SH3D19: variants seen among roughly 807,000 people sequenced by gnomAD.
SH3D19 encodes the protein SH3 domain containing 19, also known as SH3 domain-containing protein 19.
SH3D19 carries 58 observed loss-of-function variants against 112.1 expected under a neutral mutation model. That is an observed-to-expected ratio of 0.52 (90% CI 0.42 to 0.64). The LOEUF is 0.64. Ranked by LOEUF, SH3D19 falls within the 30% of genes least tolerant of loss-of-function variation. The probability of loss-of-function intolerance (pLI) is 0.00; values close to 1 mark genes in which losing one functional copy is unlikely to be tolerated. For missense variants in SH3D19, 1,090 were observed against 1,263.4 expected (o/e 0.86, Z 2.08); for synonymous variants, 391 against 448.5 (o/e 0.87, Z 1.62).
chr4:151,202,680 G>A (rs1401697507), intron 2 of SH3D19, among the ~76,000 whole-genome samples: 1 of 152,184 alleles, frequency 6.6e-6, no homozygotes, highest in Admixed American at 6.5e-5. Context: ...GGGACAGGTA[G>A]GTAGGCAGAC....
intron 2 of SH3D19, among the ~76,000 whole-genome samples, chr4:151,208,803 G>A (rs1015988393): frequency 1.4e-4 from 21 of 151,484 alleles, no homozygotes; most frequent in African/African-American, 3.6e-4. Context: ...TTAGCCTCCC[G>A]AGTAGCTGGG....
chr4:151,218,331 T>C (rs1767461707), intron 2 of SH3D19, among the ~76,000 whole-genome samples: 1 of 152,188 alleles, frequency 6.6e-6, no homozygotes, highest in Non-Finnish European at 1.5e-5. Flanking sequence ...ACTCATGTCC[T>C]ATAAAAACAT....
At chr4:151,284,518 T>C (rs1415917041) in intron 1 of SH3D19, among the ~76,000 whole-genome samples, 4 of 152,250 alleles carry the variant, frequency 2.6e-5, no homozygotes, top group Non-Finnish European at 5.9e-5. Flanking sequence ...ACAGTTATAA[T>C]AGTTGCTTTA....
At chr4:151,178,261 C>T (rs565956801) in intron 4 of SH3D19, among the ~76,000 whole-genome samples, 4 of 152,294 alleles carry the variant, frequency 2.6e-5, no homozygotes, top group African/African-American at 9.6e-5. Flanking sequence ...TGACCCTGAA[C>T]AAATCAATCA....
chr4:151,144,049 C>T lies in SH3D19; in HGVS notation c.2084G>A (p.Arg695His), dbSNP rs75521643. Residue 695 changes from arginine (R) to histidine (H), a missense_variant and splice_region_variant, in exon 12 of 20, where the codon CGT becomes CAT. Arg to His is a conservative substitution (Grantham distance 29). Coordinates refer to ENST00000604030, the MANE Select transcript of SH3D19 (RefSeq NM_001378122.1). The part of the protein sequence containing the change: ...PGHPLYSKYM[R>H]GDVLVMLKQT... ...CTTCAGCATCACAAGTACATCCCCA[C>T]GCTGCAAGGTACAATACCACTCTCT... 767 of 1,613,366 alleles carry T rather than the reference C, an allele frequency of 4.8e-4. 1 individual carries two copies. The African/African-American group carries it at 8.7e-3, about 18-fold the overall frequency.
chr4:151,315,171 AC>A (rs1729870729), intron 1 of SH3D19, among the ~76,000 whole-genome samples: 1 of 152,086 alleles, frequency 6.6e-6, no homozygotes, highest in African/African-American at 2.4e-5. Context: ...GAGATTATTC[AC>A]CCTTTCTAGG....
intron 1 of SH3D19, among the ~76,000 whole-genome samples, chr4:151,228,918 A>T (rs139843163): frequency 1.3e-5 from 2 of 151,794 alleles, no homozygotes; most frequent in African/African-American, 4.8e-5. Context: ...GCAGTGGTGC[A>T]ATCACAGCTC....
At chr4:151,227,806 G>A (rs1341438739) in intron 1 of SH3D19, 2 of 985,348 alleles carry the variant, frequency 2.0e-6, no homozygotes, top group African/African-American at 1.7e-5. Context: ...ATCATTTCCT[G>A]TGGCTGTGAT....
intron 1 of SH3D19, among the ~76,000 whole-genome samples, chr4:151,279,585 CT>C (rs1773986681): frequency 6.6e-6 from 1 of 152,180 alleles, no homozygotes; most frequent in African/African-American, 2.4e-5. Context: ...TGCTTACACT[CT>C]TTTCCCAAAA....
chr4:151,207,573 G>A (rs1017439145), intron 2 of SH3D19, among the ~76,000 whole-genome samples: 3 of 152,130 alleles, frequency 2.0e-5, no homozygotes, highest in African/African-American at 7.2e-5. Flanking sequence ...GTAGCCAAAG[G>A]TAATATTTTG....
Position 151,325,396 on chromosome 4 carries a change from G to T in SH3D19, c.-44C>A. On this transcript the variant is annotated 5_prime_UTR_variant, in exon 1 of 20. Transcript: ENST00000604030. ...AGCCGCGGGATGGCCAGCGAGCTGC[G>T]GCCCCGGCGCCCCAGAACGCCTGCA... 1 of 1,060,030 alleles carries T rather than the reference G, an allele frequency of 9.4e-7. No homozygotes were observed. Among genetic ancestry groups the T allele is most frequent in the East Asian group, 3.7e-5 (1 of 26,812 alleles). 65.7% of individuals were successfully genotyped at this position (1,060,030 alleles called of 1,614,324 possible). A position where few individuals can be genotyped will look rare whatever the true frequency, so the allele number is the denominator to read the frequency against.
rs77709247 is a variant in SH3D19, at chr4:151,258,309, C to T, written c.113-32223G>A. Among the ~76,000 whole-genome samples the T allele has an allele frequency of 3.5e-3, 532 of 152,222 alleles. 4 individuals carry two copies. The highest frequency in any genetic ancestry group is 0.012 in the African/African-American group (511 of 41,532). On this transcript the variant is annotated intron_variant, in intron 1 of 19. Transcript: ENST00000604030. ...TCAGAAAACTGACTGGTTTATTTCC[C>T]CTTTATTTTCTCCTGTCAGTCCTGT... is the stretch of plus-strand genomic sequence containing the variant.
chr4:151,124,583 T>C (rs1449772136), intron 19 of SH3D19, among the ~76,000 whole-genome samples: 1 of 151,958 alleles, frequency 6.6e-6, no homozygotes. Context: ...CTGGGCATGG[T>C]GGCATGCACC....
chr4:151,283,338 A>T, intron 1 of SH3D19: 1 of 1,559,196 alleles, frequency 6.4e-7, no homozygotes, highest in Non-Finnish European at 8.8e-7. Flanking sequence ...CTTAATTTGG[A>T]TCCAGGTTTT....
At chr4:151,158,674 T>C (rs1211470070) in intron 9 of SH3D19, among the ~76,000 whole-genome samples, 2 of 146,914 alleles carry the variant, frequency 1.4e-5, no homozygotes, top group African/African-American at 5.0e-5. Context: ...CCACAAAAGT[T>C]GGAAGACCAA....
chr4:151,298,985 C>A (rs1056592166), intron 1 of SH3D19, among the ~76,000 whole-genome samples: 1 of 152,202 alleles, frequency 6.6e-6, no homozygotes, highest in African/African-American at 2.4e-5. Flanking sequence ...TAGTGTTCCT[C>A]ACCATCACCC....
chr4:151,288,684 G>T (rs921489341), intron 1 of SH3D19, among the ~76,000 whole-genome samples: 3 of 150,124 alleles, frequency 2.0e-5, no homozygotes, highest in African/African-American at 7.3e-5. Flanking sequence ...AAAAAAAAAA[G>T]AAAAAAGAAA....
At chr4:151,191,794 C>T (rs1397750120) in intron 2 of SH3D19, among the ~76,000 whole-genome samples, 4 of 151,714 alleles carry the variant, frequency 2.6e-5, no homozygotes, top group Admixed American at 6.6e-5. Context: ...TACAGATGAT[C>T]GCCATCATGC....
intron 1 of SH3D19, among the ~76,000 whole-genome samples, chr4:151,324,001 T>C (rs539181028): frequency 3.3e-5 from 5 of 152,358 alleles, no homozygotes; most frequent in African/African-American, 7.2e-5. Flanking sequence ...TATTCACTTA[T>C]ATCCAGCAAC....
Sources: allele counts gnomAD v4.1 joint callset (sites outside exome capture counted in the v4.1 genomes callset), GRCh38; gene constraint gnomAD v4.1.1; transcripts MANE v1.5; gene names NCBI Gene and HGNC (gene_info 2026-07-23, HGNC 2026-07-21).